Variants in ADAMTS5 observed in about 807,000 individuals in gnomAD.
ADAMTS5 encodes A disintegrin and metalloproteinase with thrombospondin motifs 5.
Under a neutral mutation model 81.4 loss-of-function variants are expected in ADAMTS5, and 54 were observed. The ratio of observed to expected loss-of-function variants is 0.66; its 90% confidence interval spans 0.53 to 0.83. The LOEUF is 0.83. Ranked by LOEUF, ADAMTS5 falls within the 40% of genes least tolerant of loss-of-function variation. The pLI is 0.00. For missense variants in ADAMTS5, 1,194 were observed against 1,229.9 expected (o/e 0.97, Z 0.44); for synonymous variants, 532 against 508.8 (o/e 1.05, Z -0.61).
In ADAMTS5 at chr21:26,965,545, AC is replaced by A. The variant is rs1396982345; in HGVS notation, c.846del (p.Leu282PhefsTer11). The A allele has an allele frequency of 6.2e-7, 1 of 1,612,484 alleles. No individual in the cohort carries two copies. The highest frequency in any genetic ancestry group is 8.5e-7 in the Non-Finnish European group (1 of 1,178,872). ...LLVADASMAR[L>X]YGRGLQHYLL... is the part of the protein sequence containing the mutation. ...AGGTAATGCTGCAGGCCCCGGCCAT[AC>A]AACCGCGCCATGGACGCGTCAGCCA... On this transcript the variant is annotated frameshift_variant, in exon 1 of 8. Coordinates refer to ENST00000284987, the MANE Select transcript of ADAMTS5 (RefSeq NM_007038.5). LOFTEE classifies it high-confidence loss of function.
chr21:26,959,850 G>A (rs142209848), intron 1 of ADAMTS5, among the ~76,000 whole-genome samples: 73 of 152,002 alleles, frequency 4.8e-4, no homozygotes, highest in African/African-American at 1.5e-3. Context: ...ATTATAACCC[G>A]AGACTTCTAA....
At position 26,919,616 on chromosome 21, in the gene ADAMTS5, A is replaced by G. The variant is rs958034521; in HGVS notation, c.*4437T>C. The G allele has an allele frequency of 6.6e-6, 1 of 151,964 alleles. No individual in the cohort carries two copies. The highest frequency in any genetic ancestry group is 2.4e-5 in the African/African-American group (1 of 41,404). 9.4% of individuals were successfully genotyped at this position (151,964 alleles called of 1,614,324 possible). On this transcript the variant is annotated 3_prime_UTR_variant, in exon 8 of 8. Coordinates refer to ENST00000284987, the MANE Select transcript of ADAMTS5 (RefSeq NM_007038.5). ...TGATCTGAACACTACCTGTATTCCA[A>G]TTTTTTGGCTAATGCATGGTTTTGT...
Position 26,943,474 on chromosome 21 carries a change from G to A in ADAMTS5, c.1311C>T (p.Arg437=). 1 of 1,613,752 alleles carries A rather than the reference G, an allele frequency of 6.2e-7. No homozygotes were observed. Among genetic ancestry groups the A allele is most frequent in the South Asian group, 1.1e-5 (1 of 91,062 alleles). The change falls in exon 3 of 8, where the codon CGC becomes CGT. Residue 437 remains arginine (R), a synonymous_variant. Transcript: ENST00000284987. ...TGCTGGTAAGGATGGAAGACATTAAGCGCTTATCTTCTGTGGAACCAAAGG... is the reference window on the plus strand; with the variant it reads ...TGCTGGTAAGGATGGAAGACATTAAACGCTTATCTTCTGTGGAACCAAAGG... ...EETFGSTEDK[R]LMSSILTSID...
chr21:26,938,262 GA>G, intron 3 of ADAMTS5, among the ~76,000 whole-genome samples: 1 of 151,678 alleles, frequency 6.6e-6, no homozygotes, highest in Middle Eastern at 3.4e-3. Context: ...AAAAAGAAAA[GA>G]AAGAAAGTCA....
Position 26,924,638 on chromosome 21 carries a change from C to A in ADAMTS5, c.2226-18G>T. On this transcript the variant is annotated intron_variant, in intron 7 of 7. Coordinates refer to ENST00000284987, the MANE Select transcript of ADAMTS5 (RefSeq NM_007038.5). ...AACCCTTACTGGAAGTAGGAATGTT[C>A]ACAGGAAGTGGGGGAAGGTGGTTAA... 6.4e-7 allele frequency: 1 copy of A among 1,571,322 alleles called. No individual in the cohort carries two copies.
chr21:26,943,094 A>G (rs1161762914), intron 3 of ADAMTS5, among the ~76,000 whole-genome samples: 1 of 152,186 alleles, frequency 6.6e-6, no homozygotes, highest in Non-Finnish European at 1.5e-5. Flanking sequence ...GAAGGAATAA[A>G]AGCCAGACTT....
chr21:26,924,016 C>A lies in ADAMTS5; in HGVS notation c.*37G>T. 1 of 1,550,050 alleles carries A rather than the reference C, an allele frequency of 6.5e-7. No individual in the cohort carries two copies. Among genetic ancestry groups the A allele is most frequent in the South Asian group, 1.2e-5 (1 of 81,878 alleles). ...ACCACGACTGCATCAGTGCTGAATC[C>A]TCCAGTTATCTTTGTGCATAAGATC... On this transcript the variant is annotated 3_prime_UTR_variant, in exon 8 of 8. Transcript: ENST00000284987.
intron 2 of ADAMTS5, among the ~76,000 whole-genome samples, chr21:26,949,135 T>TGA (rs946436852): frequency 7.9e-6 from 1 of 126,738 alleles, no homozygotes; most frequent in Admixed American, 7.6e-5. Context: ...TAGTAATCAG[T>TGA]GATATATATA....
At chr21:26,943,108 G>A (rs1187241427) in intron 3 of ADAMTS5, among the ~76,000 whole-genome samples, 1 of 152,146 alleles carries the variant, frequency 6.6e-6, no homozygotes, top group African/African-American at 2.4e-5. Context: ...CAGACTTTCA[G>A]GGCACTAGCT....
chr21:26,928,633 CCT>C (rs1491168809), intron 7 of ADAMTS5, among the ~76,000 whole-genome samples: 3 of 84,992 alleles, frequency 3.5e-5, no homozygotes, highest in Admixed American at 1.5e-4. Flanking sequence ...TTCCTTCCTT[CCT>C]CTTTCTTTCT....
chr21:26,945,582 A>G (rs919634191), intron 2 of ADAMTS5, among the ~76,000 whole-genome samples: 21 of 152,322 alleles, frequency 1.4e-4, no homozygotes, highest in African/African-American at 4.8e-4. Flanking sequence ...TATAGGACAC[A>G]TGGCAGACAC....
At chr21:26,964,254 G>C (rs1987590085) in intron 1 of ADAMTS5, among the ~76,000 whole-genome samples, 2 of 152,170 alleles carry the variant, frequency 1.3e-5, no homozygotes, top group African/African-American at 4.8e-5. Flanking sequence ...TGTGACAACT[G>C]AGGCTTAGAA....
rs564023300 is a variant in ADAMTS5 at position 26,966,006 on chromosome 21, T to G, written c.386A>C (p.His129Pro). The G allele has an allele frequency of 6.2e-7, 1 of 1,612,970 alleles. No individual in the cohort carries two copies. The highest frequency in any genetic ancestry group is 1.7e-5 in the Admixed American group (1 of 59,990). Residue 129 changes from histidine to proline, a missense_variant, in exon 1 of 8, where the codon CAC (histidine) becomes CCC (proline). This residue lies in a region of ADAMTS5 where 498 missense variants were observed against 412.3 expected (regional missense o/e 1.21). Coordinates refer to ENST00000284987, the MANE Select transcript of ADAMTS5 (RefSeq NM_007038.5). The part of the protein sequence containing the change: ...GTSAPWRHRS[H>P]CFYRGTVDGS... ...GTCCACTGTGCCCCGATAGAAGCAG[T>G]GGCTCCGGTGGCGCCAGGGCGCACT...
intron 7 of ADAMTS5, 72 bp from the exon 8 acceptor site, chr21:26,924,692 T>C (rs1169400535): frequency 8.2e-7 from 1 of 1,221,990 alleles, no homozygotes; most frequent in Non-Finnish European, 1.2e-6. Context: ...GAGTAAACAC[T>C]TAACAAATAA....
intron 1 of ADAMTS5, among the ~76,000 whole-genome samples, chr21:26,964,157 C>G (rs1987587700): frequency 6.6e-6 from 1 of 152,104 alleles, no homozygotes. Context: ...CTGGATGGGT[C>G]TCAAATACTT....
chr21:26,929,686 C>T (rs1018797105), intron 7 of ADAMTS5, among the ~76,000 whole-genome samples, 200 bp downstream of exon 7: 4 of 152,142 alleles, frequency 2.6e-5, no homozygotes, highest in African/African-American at 9.7e-5. Context: ...CTTCCAGAGG[C>T]AGCATGAGTT....
rs1316924399 is a variant in ADAMTS5, at chr21:26,920,795, A to G, written c.*3258T>C. The G allele has an allele frequency of 6.6e-6, 1 of 152,116 alleles. No individual in the cohort carries two copies. Among genetic ancestry groups the G allele is most frequent in the African/African-American group, 2.4e-5 (1 of 41,444 alleles). The allele number at this position is 152,116 out of a possible 1,614,324, so 9.4% of individuals were successfully genotyped here. ...GAAAAAATAGTGTTAATGTGATGTA[A>G]AAAACCTATTATCATAGGCACAAGT... is the stretch of plus-strand genomic sequence containing the variant. On this transcript the variant is annotated 3_prime_UTR_variant, in exon 8 of 8. Transcript: ENST00000284987.
At chr21:26,954,598 A>G in intron 2 of ADAMTS5, 141 bp downstream of exon 2, 1 of 1,265,788 alleles carries the variant, frequency 7.9e-7, no homozygotes, top group Non-Finnish European at 1.1e-6. Context: ...TAACCTTAAA[A>G]GTGCAGATAT....
chr21:26,964,736 A>G (rs1437976183), intron 1 of ADAMTS5, among the ~76,000 whole-genome samples: 1 of 152,216 alleles, frequency 6.6e-6, no homozygotes, highest in Non-Finnish European at 1.5e-5. Context: ...TTAGGAATCC[A>G]ACCTGGAAAA....
Sources: allele counts gnomAD v4.1 joint callset (sites outside exome capture counted in the v4.1 genomes callset), GRCh38; gene constraint gnomAD v4.1.1; regional missense constraint gnomAD v4.1.1; transcripts MANE v1.5; gene names NCBI Gene and HGNC (gene_info 2026-07-23, HGNC 2026-07-21).